Variants in SPPL3 observed in about 807,000 individuals in gnomAD.
SPPL3 encodes the protein signal peptide peptidase-like 3.
SPPL3 carries 5 observed loss-of-function variants against 42.4 expected under a neutral mutation model. That is an observed-to-expected ratio of 0.12 (90% CI 0.06 to 0.25). The LOEUF is 0.25. Ranked by LOEUF, SPPL3 falls within the 10% of genes least tolerant of loss-of-function variation. The probability of loss-of-function intolerance (pLI) is 1.00; values close to 1 mark genes in which losing one functional copy is unlikely to be tolerated. For missense variants in SPPL3, 235 were observed against 489.0 expected, an observed-to-expected ratio of 0.48 and a Z score of 4.90; for synonymous variants, 195 against 181.8, an observed-to-expected ratio of 1.07 and a Z score of -0.58.
chr12:120,897,288 C>T (rs750512589), intron 1 of SPPL3, among the ~76,000 whole-genome samples: 3 of 152,074 alleles, frequency 2.0e-5, no homozygotes, highest in East Asian at 1.9e-4. Context: ...TCTTTACCCC[C>T]GAAGGCTTTA....
rs1250829621 is a variant in SPPL3 at position 120,810,897 on chromosome 12, AAG to A, written c.24-13_24-12del. 6 of 1,607,196 alleles carry A rather than the reference AAG, an allele frequency of 3.7e-6. No individual in the cohort carries two copies. Among genetic ancestry groups the A allele is most frequent in the Non-Finnish European group, 5.1e-6 (6 of 1,174,014 alleles). On this transcript the variant is annotated splice_polypyrimidine_tract_variant and intron_variant, in intron 1 of 10. Coordinates refer to ENST00000353487, the MANE Select transcript of SPPL3 (RefSeq NM_139015.5). ...ACCAGGGAATAGGCCCTAGAGAAAT[AAG>A]AGGAAAAAAATTTAAATCACATGCA...
Position 120,766,388 on chromosome 12 carries a change from G to A in SPPL3, c.974-16C>T, listed in dbSNP as rs1296866027. 2 of 1,563,650 alleles carry A rather than the reference G, an allele frequency of 1.3e-6. No homozygotes were observed. Among genetic ancestry groups the A allele is most frequent in the Non-Finnish European group, 1.7e-6 (2 of 1,153,754 alleles). ...GTGAGCAGGCCTGTGAGGAGAGAGA[G>A]GCATCTGTGAGACACGAGAGGGAAC... On this transcript the variant is annotated splice_polypyrimidine_tract_variant and intron_variant, in intron 9 of 10. Transcript: ENST00000353487.
At chr12:120,788,666 A>G (rs1592962575) in intron 3 of SPPL3, among the ~76,000 whole-genome samples, 2 of 152,088 alleles carry the variant, frequency 1.3e-5, no homozygotes, top group African/African-American at 4.8e-5. Context: ...CTGCTCTCCT[A>G]TCTCTTTACA....
intron 6 of SPPL3, among the ~76,000 whole-genome samples, chr12:120,781,276 C>T (rs1328559591): frequency 7.9e-5 from 12 of 151,868 alleles, no homozygotes; most frequent in Non-Finnish European, 2.9e-5. Flanking sequence ...ATCTGAAAGG[C>T]AATATAATAA....
At chr12:120,871,045 G>A (rs1397581324) in intron 1 of SPPL3, among the ~76,000 whole-genome samples, 6 of 141,950 alleles carry the variant, frequency 4.2e-5, no homozygotes, top group Non-Finnish European at 6.0e-5. Context: ...CAGGAGAATC[G>A]CTTGAACCCA....
chr12:120,851,685 C>G (rs527503071), intron 1 of SPPL3, among the ~76,000 whole-genome samples: 1 of 152,048 alleles, frequency 6.6e-6, no homozygotes, highest in Non-Finnish European at 1.5e-5. Context: ...CTGACTGGAG[C>G]CTTGACCTCC....
At chr12:120,820,436 C>T (rs961772981) in intron 1 of SPPL3, among the ~76,000 whole-genome samples, 3 of 151,806 alleles carry the variant, frequency 2.0e-5, no homozygotes, top group Non-Finnish European at 4.4e-5. Context: ...CTGCCTCAGC[C>T]TCCTGAGTAG....
chr12:120,812,974 G>A (rs1320783121), intron 1 of SPPL3, among the ~76,000 whole-genome samples: 5 of 152,186 alleles, frequency 3.3e-5, no homozygotes, highest in Non-Finnish European at 7.3e-5. Flanking sequence ...AAAGACAACT[G>A]GAGTGACCAC....
chr12:120,847,257 GA>G lies in SPPL3; in HGVS notation c.24-36372del, dbSNP rs372282082. Among the ~76,000 whole-genome samples, 1,011 of 152,186 alleles carry G rather than the reference GA, an allele frequency of 6.6e-3. 11 individuals are homozygous for G. The highest frequency in any genetic ancestry group is 0.023 in the African/African-American group (958 of 41,524). ...AAGAAGAATTTAGCGTCTCTTTGGGGAAGGTGGAAACATGAATTCAGTTTAT... is the reference window on the plus strand; with the variant it reads ...AAGAAGAATTTAGCGTCTCTTTGGGGAGGTGGAAACATGAATTCAGTTTAT... On this transcript the variant is annotated intron_variant, in intron 1 of 10. Coordinates refer to ENST00000353487, the MANE Select transcript of SPPL3 (RefSeq NM_139015.5).
chr12:120,797,868 A>C (rs543682962), intron 2 of SPPL3, among the ~76,000 whole-genome samples: 2 of 152,242 alleles, frequency 1.3e-5, no homozygotes, highest in African/African-American at 2.4e-5. Context: ...GATTTGAAAG[A>C]CTTGCCCCTC....
chr12:120,904,206 G>T lies in SPPL3; in HGVS notation c.-339C>A. 1 of 235,612 alleles carries T rather than the reference G, an allele frequency of 4.2e-6. No individual in the cohort carries two copies. Among genetic ancestry groups the T allele is most frequent in the Admixed American group, 5.7e-5 (1 of 17,538 alleles). 14.6% of individuals were successfully genotyped at this position (235,612 alleles called of 1,614,324 possible). On this transcript the variant is annotated 5_prime_UTR_variant, in exon 1 of 11. Coordinates refer to ENST00000353487, the MANE Select transcript of SPPL3 (RefSeq NM_139015.5). ...CTGGGGCGGGCGAACGGCAAGACGG[G>T]CCCGCGCTCACTGCGCGCGGGGCCG... is the stretch of plus-strand genomic sequence containing the variant.
At chr12:120,802,793 G>T (rs1244379106) in intron 2 of SPPL3, among the ~76,000 whole-genome samples, 1 of 152,066 alleles carries the variant, frequency 6.6e-6, no homozygotes, top group Non-Finnish European at 1.5e-5. Context: ...AGAATTAACA[G>T]CCCATTCATT....
rs1327851447 is a variant in SPPL3, at chr12:120,891,692, G to A, written c.23+12153C>T. ...TTTCCTGCAAAATATTTTCACATGA[G>A]CATGTTACTGAAATTTTTTTCCCTA... On this transcript the variant is annotated intron_variant, in intron 1 of 10. Transcript: ENST00000353487. Among the ~76,000 whole-genome samples the A allele has an allele frequency of 6.1e-5, 9 of 147,346 alleles. No homozygotes were observed. In the South Asian group the frequency reaches 6.4e-4, roughly 10 times the overall value.
At chr12:120,855,312 C>T (rs1872415211) in intron 1 of SPPL3, among the ~76,000 whole-genome samples, 1 of 152,122 alleles carries the variant, frequency 6.6e-6, no homozygotes, top group Admixed American at 6.6e-5. Flanking sequence ...GTATAAAAAA[C>T]AATTTTTGTC....
chr12:120,893,149 TAC>T (rs1244987262), intron 1 of SPPL3, among the ~76,000 whole-genome samples: 3 of 151,252 alleles, frequency 2.0e-5, no homozygotes, highest in Non-Finnish European at 4.4e-5. Flanking sequence ...AAACTGAAAC[TAC>T]AGTAAAAAAA....
chr12:120,802,254 G>A (rs1197114407), intron 2 of SPPL3, among the ~76,000 whole-genome samples: 1 of 151,480 alleles, frequency 6.6e-6, no homozygotes, highest in Non-Finnish European at 1.5e-5. Flanking sequence ...ATAAAAATAC[G>A]AATGCACCAT....
intron 1 of SPPL3, among the ~76,000 whole-genome samples, chr12:120,859,657 T>C (rs1159468669): frequency 6.6e-6 from 1 of 151,996 alleles, no homozygotes; most frequent in Non-Finnish European, 1.5e-5. Context: ...ACATACAGAC[T>C]CAAAAAGTCT....
intron 1 of SPPL3, among the ~76,000 whole-genome samples, chr12:120,839,975 G>C (rs2137024902): frequency 6.6e-6 from 1 of 152,120 alleles, no homozygotes; most frequent in East Asian, 1.9e-4. Flanking sequence ...GGAATATTTT[G>C]GGCCATAAAA....
chr12:120,839,802 C>T (rs926544983), intron 1 of SPPL3, among the ~76,000 whole-genome samples: 3 of 151,988 alleles, frequency 2.0e-5, no homozygotes, highest in African/African-American at 7.3e-5. Context: ...CCCAGCAATC[C>T]CACTCCTAGG....
Sources: gnomAD v4.1 joint callset for allele counts (sites outside exome capture counted in the v4.1 genomes callset) on GRCh38, gnomAD v4.1.1 for gene constraint, MANE v1.5 for transcripts, NCBI Gene and HGNC (gene_info 2026-07-23, HGNC 2026-07-21) for gene names.